ZBTB7C: variants seen among roughly 807,000 people sequenced by gnomAD.
ZBTB7C encodes zinc finger and BTB domain-containing protein 7C.
ZBTB7C carries 8 observed loss-of-function variants against 25.7 expected under a neutral mutation model. The observed-to-expected ratio is 0.31, with a 90% CI of 0.18 to 0.56. ZBTB7C has a LOEUF of 0.56. Among genes scored for constraint, ZBTB7C ranks in the 20% least tolerant of loss-of-function variants. The probability of loss-of-function intolerance (pLI) is 0.91; values close to 1 mark genes in which losing one functional copy is unlikely to be tolerated. For synonymous variants in ZBTB7C, 394 were observed against 369.0 expected (o/e 1.07, Z -0.78); for missense variants, 824 against 855.2 (o/e 0.96, Z 0.46).
chr18:48,284,317 T>G (rs1376624788), intron 2 of ZBTB7C, among the ~76,000 whole-genome samples: 1 of 152,094 alleles, frequency 6.6e-6, no homozygotes, highest in Non-Finnish European at 1.5e-5. Context: ...GGCATGCCTG[T>G]AATCCCAGCT....
At chr18:48,340,940 C>T (rs1201347467) in intron 1 of ZBTB7C, among the ~76,000 whole-genome samples, 1 of 152,226 alleles carries the variant, frequency 6.6e-6, no homozygotes, top group Non-Finnish European at 1.5e-5. Context: ...CACTCTGTCA[C>T]AGGCATTGCG....
chr18:48,343,718 T>C (rs1378514754), intron 1 of ZBTB7C, among the ~76,000 whole-genome samples: 2 of 152,198 alleles, frequency 1.3e-5, no homozygotes, highest in African/African-American at 4.8e-5. Context: ...CTTCCCCTAA[T>C]AGCCTGTTGG....
rs571580379 is a variant in ZBTB7C at position 48,122,335 on chromosome 18, T to C, written c.-17+63599A>G. On this transcript the variant is annotated intron_variant, in intron 3 of 4. Transcript: ENST00000590800. ...ATTGATATTACCATTTTCCTACCTT[T>C]GGCTGATTGTTGGTCATTTTTTTCT... 3.3e-5 allele frequency among the ~76,000 whole-genome samples: 5 copies of C among 152,364 alleles called. No individual in the cohort carries two copies. The South Asian group carries it at 8.3e-4, about 25-fold the overall frequency.
intron 1 of ZBTB7C, among the ~76,000 whole-genome samples, chr18:48,403,606 T>C (rs1274333269): frequency 1.3e-5 from 2 of 152,120 alleles, no homozygotes; most frequent in Admixed American, 6.5e-5. Context: ...AGACAATAGA[T>C]TGCAAAACAG....
At chr18:48,101,512 T>A (rs188005991) in intron 3 of ZBTB7C, among the ~76,000 whole-genome samples, 1 of 152,242 alleles carries the variant, frequency 6.6e-6, no homozygotes, top group Non-Finnish European at 1.5e-5. Flanking sequence ...TCATCTTGAC[T>A]GGGACTGACC....
chr18:48,216,322 C>T (rs1426073478), intron 2 of ZBTB7C, among the ~76,000 whole-genome samples: 1 of 152,182 alleles, frequency 6.6e-6, no homozygotes, highest in Non-Finnish European at 1.5e-5. Context: ...ACTTGCTGGG[C>T]ATCAGAGAAG....
At chr18:48,086,670 T>G (rs1234015362) in intron 3 of ZBTB7C, among the ~76,000 whole-genome samples, 1 of 152,210 alleles carries the variant, frequency 6.6e-6, no homozygotes, top group East Asian at 1.9e-4. Context: ...TGCAGATGCA[T>G]GTGAACTTTA....
intron 1 of ZBTB7C, chr18:48,408,453 A>T (rs968650174): frequency 6.6e-5 from 10 of 152,122 alleles, no homozygotes; most frequent in Non-Finnish European, 1.3e-4. Flanking sequence ...GCTCGGCTTC[A>T]CTTGTCCGAG....
rs544038468 is a variant in ZBTB7C, at chr18:48,402,358, T to G, written c.-304+6868A>C. Among the ~76,000 whole-genome samples the G allele has an allele frequency of 2.0e-5, 3 of 152,206 alleles. No individual in the cohort carries two copies. In the South Asian group the frequency reaches 6.2e-4, roughly 32 times the overall value. On this transcript the variant is annotated intron_variant, in intron 1 of 4. Coordinates refer to ENST00000590800, the MANE Select transcript of ZBTB7C (RefSeq NM_001318841.2). ...ATATTACTTTAAGGAATACTACACA[T>G]CCATTACAAGTGTGTTTCTAAGGAA...
chr18:48,136,554 G>A (rs1007122020), intron 3 of ZBTB7C, among the ~76,000 whole-genome samples: 19 of 152,134 alleles, frequency 1.2e-4, no homozygotes, highest in African/African-American at 4.6e-4. Flanking sequence ...CTCTCAGGAG[G>A]ACCAAGCATT....
chr18:48,115,590 T>C (rs554146432), intron 3 of ZBTB7C, among the ~76,000 whole-genome samples: 2 of 152,272 alleles, frequency 1.3e-5, no homozygotes, highest in East Asian at 3.9e-4. Context: ...CACACCTGCA[T>C]CTTGCTTATT....
intron 2 of ZBTB7C, among the ~76,000 whole-genome samples, chr18:48,293,028 A>G (rs1479068988): frequency 6.6e-6 from 1 of 152,240 alleles, no homozygotes; most frequent in Non-Finnish European, 1.5e-5. Flanking sequence ...CTCACTCAGC[A>G]TTACAGCTTC....
At chr18:48,109,942 G>A (rs915811037) in intron 3 of ZBTB7C, among the ~76,000 whole-genome samples, 7 of 152,126 alleles carry the variant, frequency 4.6e-5, no homozygotes, top group East Asian at 1.9e-4. Context: ...TTTCCTGGAC[G>A]TTCCATGGGC....
At chr18:48,194,583 G>A (rs545832516) in intron 2 of ZBTB7C, among the ~76,000 whole-genome samples, 324 of 151,352 alleles carry the variant, frequency 2.1e-3, no homozygotes, top group African/African-American at 7.3e-3. Context: ...AGGATGGGGA[G>A]GATTTGGAGA....
chr18:48,153,300 G>C (rs1184200914), intron 3 of ZBTB7C, among the ~76,000 whole-genome samples: 1 of 152,216 alleles, frequency 6.6e-6, no homozygotes, highest in Admixed American at 6.5e-5. Context: ...GTGAGGATTA[G>C]CATGCCCATT....
At chr18:48,378,888 A>C (rs1259005893) in intron 1 of ZBTB7C, among the ~76,000 whole-genome samples, 1 of 152,194 alleles carries the variant, frequency 6.6e-6, no homozygotes, top group Non-Finnish European at 1.5e-5. Flanking sequence ...CAAAAGACAG[A>C]GATGGAAAAG....
At chr18:48,195,021 C>T (rs1027398151) in intron 2 of ZBTB7C, among the ~76,000 whole-genome samples, 2 of 152,140 alleles carry the variant, frequency 1.3e-5, no homozygotes, top group African/African-American at 4.8e-5. Flanking sequence ...CTCTGCGTAC[C>T]AGCCTCTGAT....
chr18:48,182,225 C>T lies in ZBTB7C; in HGVS notation c.-17+3709G>A, dbSNP rs188949548. Among the ~76,000 whole-genome samples, 131 of 152,146 alleles carry T rather than the reference C, an allele frequency of 8.6e-4. 1 individual carries two copies. Among genetic ancestry groups the T allele is most frequent in the African/African-American group, 2.8e-3 (116 of 41,500 alleles). On this transcript the variant is annotated intron_variant, in intron 3 of 4. Coordinates refer to ENST00000590800, the MANE Select transcript of ZBTB7C (RefSeq NM_001318841.2). ...TGGGGGTGCCACCAACATCTGTCTC[C>T]GGGCTGGAACAGGTCATGAACAAGT...
intron 3 of ZBTB7C, among the ~76,000 whole-genome samples, chr18:48,128,679 G>C (rs1420548298): frequency 6.6e-6 from 1 of 152,126 alleles, no homozygotes; most frequent in Non-Finnish European, 1.5e-5. Context: ...ATACAGAGTG[G>C]TATAATGGAC....
Sources: gnomAD v4.1 joint callset for allele counts (sites outside exome capture counted in the v4.1 genomes callset) on GRCh38, gnomAD v4.1.1 for gene constraint, MANE v1.5 for transcripts, NCBI Gene and HGNC (gene_info 2026-07-23, HGNC 2026-07-21) for gene names.